Variants in INPP4B observed in about 807,000 individuals in gnomAD.
INPP4B encodes the protein inositol polyphosphate-4-phosphatase type II B, also known as inositol polyphosphate 4-phosphatase type II.
In INPP4B, 55 loss-of-function variants were observed where a neutral mutation model predicts 122.5. That is an observed-to-expected ratio of 0.45 (90% CI 0.36 to 0.56). The LOEUF is 0.56. Ranked by LOEUF, INPP4B falls within the 20% of genes least tolerant of loss-of-function variation. INPP4B has a pLI of 0.00. For synonymous variants in INPP4B, 403 were observed against 388.7 expected (o/e 1.04, Z -0.43); for missense variants, 1,000 against 1,097.7 (o/e 0.91, Z 1.26).
chr4:142,690,134 C>T (rs1437470384), intron 2 of INPP4B, among the ~76,000 whole-genome samples: 1 of 152,176 alleles, frequency 6.6e-6, no homozygotes, highest in African/African-American at 2.4e-5. Flanking sequence ...AAGTCAGGAT[C>T]TGATTCTTAG....
chr4:142,480,825 C>G, intron 2 of INPP4B, among the ~76,000 whole-genome samples: 1 of 151,984 alleles, frequency 6.6e-6, no homozygotes, highest in Non-Finnish European at 1.5e-5. Flanking sequence ...GGATCCAAGA[C>G]GAAAGTAGTT....
At chr4:142,325,916 A>T (rs1017552357) in intron 7 of INPP4B, among the ~76,000 whole-genome samples, 1 of 147,498 alleles carries the variant, frequency 6.8e-6, no homozygotes, top group African/African-American at 2.7e-5. Flanking sequence ...TATTATAGAG[A>T]TCTATTACAA....
chr4:142,152,391 A>G (rs557122049), intron 17 of INPP4B, among the ~76,000 whole-genome samples: 1 of 151,772 alleles, frequency 6.6e-6, no homozygotes, highest in Non-Finnish European at 1.5e-5. Flanking sequence ...TTTCTTTTTA[A>G]TAGACTGTGT....
At chr4:142,204,557 A>T (rs1233629541) in intron 14 of INPP4B, among the ~76,000 whole-genome samples, 1 of 152,124 alleles carries the variant, frequency 6.6e-6, no homozygotes, top group Non-Finnish European at 1.5e-5. Context: ...CCTCGCAAGA[A>T]AGATACCTCA....
chr4:142,158,405 G>A (rs1694028944), intron 17 of INPP4B, among the ~76,000 whole-genome samples: 1 of 152,064 alleles, frequency 6.6e-6, no homozygotes, highest in African/African-American at 2.4e-5. Context: ...TTCACCTGCT[G>A]TCCCCAGCAT....
At chr4:142,684,734 C>T (rs1021053607) in intron 2 of INPP4B, among the ~76,000 whole-genome samples, 8 of 151,850 alleles carry the variant, frequency 5.3e-5, no homozygotes, top group Non-Finnish European at 1.2e-4. Flanking sequence ...GATATTTAGC[C>T]GCAGCCATTT....
chr4:142,772,986 CAGTG>C (rs1379544557), intron 1 of INPP4B, among the ~76,000 whole-genome samples: 1 of 152,030 alleles, frequency 6.6e-6, no homozygotes, highest in Non-Finnish European at 1.5e-5. Context: ...TCAGAGGTTG[CAGTG>C]AGCTGAGATT....
chr4:142,689,405 A>G (rs1022673087), intron 2 of INPP4B, among the ~76,000 whole-genome samples: 1 of 152,194 alleles, frequency 6.6e-6, no homozygotes, highest in African/African-American at 2.4e-5. Flanking sequence ...GTCTCAGCAC[A>G]TTGGCAAACA....
intron 2 of INPP4B, among the ~76,000 whole-genome samples, chr4:142,594,912 G>A (rs1232343947): frequency 4.3e-5 from 6 of 141,014 alleles, no homozygotes; most frequent in Non-Finnish European, 6.0e-5. Flanking sequence ...CCAAGATCGC[G>A]TCACTGCACT....
chr4:142,837,702 G>T (rs1782970763), intron 1 of INPP4B, among the ~76,000 whole-genome samples: 1 of 152,072 alleles, frequency 6.6e-6, no homozygotes, highest in African/African-American at 2.4e-5. Flanking sequence ...ATGGCAAAAT[G>T]ATTTATATCT....
chr4:142,204,099 G>T (rs187724590), intron 14 of INPP4B, among the ~76,000 whole-genome samples: 28 of 148,468 alleles, frequency 1.9e-4, no homozygotes, highest in Non-Finnish European at 3.7e-4. Context: ...GACACTCAGA[G>T]AGGTCAAATA....
intron 2 of INPP4B, among the ~76,000 whole-genome samples, chr4:142,658,272 C>T (rs1056819833): frequency 6.6e-6 from 1 of 152,144 alleles, no homozygotes. Context: ...TAAATACAGG[C>T]TTCTGATAAC....
At chr4:142,471,278 T>C (rs1701592051) in intron 2 of INPP4B, among the ~76,000 whole-genome samples, 1 of 152,212 alleles carries the variant, frequency 6.6e-6, no homozygotes, top group Non-Finnish European at 1.5e-5. Context: ...TGTTCATGTT[T>C]CTACAGCTAT....
intron 25 of INPP4B, among the ~76,000 whole-genome samples, chr4:142,065,902 A>G (rs1318987557): frequency 2.6e-5 from 4 of 152,154 alleles, no homozygotes. Flanking sequence ...CGGAGCTTCC[A>G]TGCACTCCCT....
At chr4:142,544,130 GGTGT>G (rs1553955540) in intron 2 of INPP4B, among the ~76,000 whole-genome samples, 6 of 133,128 alleles carry the variant, frequency 4.5e-5, no homozygotes, top group African/African-American at 1.7e-4. Flanking sequence ...GTGTGTGTGT[GGTGT>G]GTGTGTGTGT....
At position 142,061,883 on chromosome 4, in the gene INPP4B, CACATATATATATATATATATATAT is replaced by C. The variant is rs1264106278; in HGVS notation, c.2642+20124_2642+20147del. 7.4e-3 allele frequency among the ~76,000 whole-genome samples: 86 copies of C among 11,676 alleles called. 1 individual carries two copies. The highest frequency in any genetic ancestry group is 0.011 in the Admixed American group (7 of 666). The allele number at this position is 11,676 out of a possible 152,430, so 7.7% of individuals were successfully genotyped here. A position where few individuals can be genotyped will look rare whatever the true frequency, so the allele number is the denominator to read the frequency against. ...ATATATGTACACACACACACACACA[CACATATATATATATATATATATAT>C]ATATATATATATATATATATATATA... On this transcript the variant is annotated intron_variant, in intron 25 of 25. Coordinates refer to ENST00000262992, the MANE Select transcript of INPP4B (RefSeq NM_001101669.3).
intron 2 of INPP4B, among the ~76,000 whole-genome samples, chr4:142,468,706 C>T (rs79511757): frequency 0.018 from 2,686 of 152,300 alleles, 83 homozygotes; most frequent in African/African-American, 0.061. Context: ...TCCCCTTCCC[C>T]TTCCACCATG....
intron 2 of INPP4B, among the ~76,000 whole-genome samples, chr4:142,588,595 T>C (rs1736742117): frequency 6.6e-6 from 1 of 150,394 alleles, no homozygotes; most frequent in South Asian, 2.1e-4. Context: ...GTTATATAAT[T>C]ATTAATTCCA....
At chr4:142,383,941 T>A in intron 7 of INPP4B, 1 of 593,384 alleles carries the variant, frequency 1.7e-6, no homozygotes, top group Non-Finnish European at 3.0e-6. Context: ...ACAAGAAAAC[T>A]GTTGTGTCTC....
Sources: gnomAD v4.1 joint callset for allele counts (sites outside exome capture counted in the v4.1 genomes callset) on GRCh38, gnomAD v4.1.1 for gene constraint, MANE v1.5 for transcripts, NCBI Gene and HGNC (gene_info 2026-07-23, HGNC 2026-07-21) for gene names.